WWC2: variants seen among roughly 807,000 people sequenced by gnomAD.
The protein encoded by WWC2 is WW and C2 domain containing 2, also known as protein WWC2.
WWC2 carries 101 observed loss-of-function variants against 138.5 expected under a neutral mutation model. The ratio of observed to expected loss-of-function variants is 0.73; its 90% CI spans 0.62 to 0.86. The LOEUF (loss-of-function observed/expected upper bound fraction) is 0.86. Among genes scored for constraint, WWC2 ranks in the 40% least tolerant of loss-of-function variants. The pLI, the probability that WWC2 is intolerant of heterozygous loss-of-function variation, is 0.00. For synonymous variants in WWC2, 558 were observed against 538.4 expected (o/e 1.04, Z -0.50); for missense variants, 1,420 against 1,419.4 (o/e 1.00, Z -0.01).
intron 4 of WWC2, among the ~76,000 whole-genome samples, chr4:183,229,619 CTG>C (rs1407965850): frequency 6.6e-6 from 1 of 152,034 alleles, no homozygotes; most frequent in African/African-American, 2.4e-5. Context: ...CATGTCACCT[CTG>C]TGGTATTCTT....
At chr4:183,288,741 TG>T (rs1268374308) in intron 20 of WWC2, among the ~76,000 whole-genome samples, 1 of 152,158 alleles carries the variant, frequency 6.6e-6, no homozygotes, top group African/African-American at 2.4e-5. Context: ...GGAAGAGCCA[TG>T]GTGATTCAGT....
intron 4 of WWC2, among the ~76,000 whole-genome samples, chr4:183,234,846 A>G (rs1441972895): frequency 4.6e-5 from 7 of 152,300 alleles, no homozygotes; most frequent in African/African-American, 1.7e-4. Context: ...CTAGGTCAGC[A>G]TTAGCTTAAT....
chr4:183,266,073 A>C, intron 14 of WWC2, 122 bp downstream of exon 14: 1 of 858,616 alleles, frequency 1.2e-6, no homozygotes, highest in South Asian at 1.7e-5. Context: ...AGGGCTGATC[A>C]TGTCTAAATG....
rs538315823 is a variant in WWC2, at chr4:183,215,811, C to T, written c.522+6786C>T. 3.3e-5 allele frequency among the ~76,000 whole-genome samples: 5 copies of T among 152,312 alleles called. No individual in the cohort carries two copies. The East Asian group carries it at 9.6e-4, about 29-fold the overall frequency. ...CTAAGCTACCATGTCAATCTATATA[C>T]ATCCTAATTCTTAAATGCCCTTATA... On this transcript the variant is annotated intron_variant, in intron 4 of 22. Coordinates refer to ENST00000403733, the MANE Select transcript of WWC2 (RefSeq NM_024949.6).
intron 1 of WWC2, among the ~76,000 whole-genome samples, chr4:183,111,405 A>G (rs1370667008): frequency 6.6e-6 from 1 of 152,232 alleles, no homozygotes; most frequent in Non-Finnish European, 1.5e-5. Flanking sequence ...AGGAGCATGT[A>G]GTTTCATTTA....
chr4:183,283,259 C>T (rs1738140509), intron 18 of WWC2, among the ~76,000 whole-genome samples: 1 of 152,186 alleles, frequency 6.6e-6, no homozygotes. Flanking sequence ...AGTTTTATTT[C>T]CATTTCAAAC....
Position 183,253,845 on chromosome 4 carries a change from AT to A in WWC2, c.1044del (p.Asn349MetfsTer7). 6.2e-7 allele frequency: 1 copy of A among 1,613,720 alleles called. No homozygotes were observed. The highest frequency in any genetic ancestry group is 8.5e-7 in the Non-Finnish European group (1 of 1,179,794). ...LDIEKEKLML[I>X]NEKEELLKEL... Reference sequence around the variant, plus strand: ...TATTGAGAAGGAAAAACTGATGCTGATTAATGAAAAAGAAGAACTTTTGAAA... The same window carrying A: ...TATTGAGAAGGAAAAACTGATGCTGATAATGAAAAAGAAGAACTTTTGAAA... On this transcript the variant is annotated frameshift_variant, in exon 9 of 23. Transcript: ENST00000403733. LOFTEE classifies it high-confidence loss of function.
intron 1 of WWC2, among the ~76,000 whole-genome samples, chr4:183,164,291 TATATATATAC>T (rs1561443625): frequency 5.4e-3 from 2 of 370 alleles, no homozygotes; most frequent in African/African-American, 0.013. Context: ...TATATATATA[TATATATATAC>T]ATATATATAT....
intron 1 of WWC2, among the ~76,000 whole-genome samples, chr4:183,135,084 C>T (rs1733068233): frequency 6.6e-6 from 1 of 152,030 alleles, no homozygotes; most frequent in African/African-American, 2.4e-5. Flanking sequence ...GCGTGTGCCA[C>T]CACATTTTTT....
At chr4:183,253,300 G>A (rs533553720) in intron 8 of WWC2, among the ~76,000 whole-genome samples, 2 of 152,258 alleles carry the variant, frequency 1.3e-5, no homozygotes, top group Admixed American at 1.3e-4. Context: ...CTAGCGGACA[G>A]CATCTAAAAC....
rs543033037 is a variant in WWC2 at position 183,184,453 on chromosome 4, A to G, written c.132-9146A>G. The stretch of plus-strand genomic sequence containing the variant: ...CTGCTATGATCATGCACACACATGT[A>G]CTTATTCGAGTACCTATTTTCACTT... On this transcript the variant is annotated intron_variant, in intron 1 of 22. Transcript: ENST00000403733. Among the ~76,000 whole-genome samples, 33 of 152,252 alleles carry G rather than the reference A, an allele frequency of 2.2e-4. No homozygotes were observed. The South Asian group carries it at 6.6e-3, about 31-fold the overall frequency.
chr4:183,289,656 C>A, intron 21 of WWC2, 21 bp downstream of exon 21: 1 of 1,610,488 alleles, frequency 6.2e-7, no homozygotes, highest in South Asian at 1.1e-5. Flanking sequence ...CAGGGTCTGT[C>A]ATCTCGGAGG....
chr4:183,241,235 C>T (rs1399495506), intron 5 of WWC2, among the ~76,000 whole-genome samples: 1 of 152,238 alleles, frequency 6.6e-6, no homozygotes, highest in African/African-American at 2.4e-5. Flanking sequence ...AAGCTGGTCT[C>T]AGGCGCCACC....
chr4:183,156,050 G>A (rs1190841048), intron 1 of WWC2, among the ~76,000 whole-genome samples: 3 of 151,412 alleles, frequency 2.0e-5, no homozygotes, highest in South Asian at 2.1e-4. Flanking sequence ...TTTTTGAGAC[G>A]GAATCTTGCT....
intron 5 of WWC2, among the ~76,000 whole-genome samples, chr4:183,242,859 G>A: frequency 6.6e-6 from 1 of 152,180 alleles, no homozygotes; most frequent in South Asian, 2.1e-4. Flanking sequence ...CTCATACTTC[G>A]GTTTATTTTA....
At chr4:183,205,423 A>T (rs987405741) in intron 2 of WWC2, among the ~76,000 whole-genome samples, 3 of 152,068 alleles carry the variant, frequency 2.0e-5, no homozygotes, top group African/African-American at 7.2e-5. Context: ...TTTTATCTAG[A>T]TTATGCTTAT....
intron 1 of WWC2, among the ~76,000 whole-genome samples, chr4:183,108,546 C>G (rs942381823): frequency 6.6e-6 from 1 of 151,892 alleles, no homozygotes; most frequent in African/African-American, 2.4e-5. Context: ...GTGGAGGAGT[C>G]CTGGGCTGGA....
chr4:183,179,627 T>A (rs1734565770), intron 1 of WWC2, among the ~76,000 whole-genome samples: 1 of 151,978 alleles, frequency 6.6e-6, no homozygotes, highest in African/African-American at 2.4e-5. Flanking sequence ...TCTGGGTTGA[T>A]GATGGTGCCA....
chr4:183,203,040 A>G (rs1240260781), intron 2 of WWC2, among the ~76,000 whole-genome samples: 1 of 152,180 alleles, frequency 6.6e-6, no homozygotes, highest in Non-Finnish European at 1.5e-5. Flanking sequence ...ACAATTTGTA[A>G]ATGACACACC....
Sources: gnomAD v4.1 joint callset for allele counts (sites outside exome capture counted in the v4.1 genomes callset) on GRCh38, gnomAD v4.1.1 for gene constraint, MANE v1.5 for transcripts, NCBI Gene and HGNC (gene_info 2026-07-23, HGNC 2026-07-21) for gene names.